The following FHOD3 variants were observed in gnomAD, a reference collection of about 807,000 sequenced individuals.
FHOD3 encodes the protein formin homology 2 domain containing 3.
Under a neutral mutation model 173.0 loss-of-function variants are expected in FHOD3, and 90 were observed. The observed-to-expected ratio is 0.52, with a 90% CI of 0.44 to 0.62. The LOEUF is 0.62. FHOD3 is among the 20% of genes least tolerant of loss of function. FHOD3 has a pLI of 0.00. For missense variants in FHOD3, 1,945 were observed against 2,034.7 expected (o/e 0.96, Z 0.85); for synonymous variants, 828 against 823.0 (o/e 1.01, Z -0.10).
At chr18:36,597,898 T>C (rs1043345307) in intron 7 of FHOD3, among the ~76,000 whole-genome samples, 2 of 152,142 alleles carry the variant, frequency 1.3e-5, no homozygotes, top group East Asian at 1.9e-4. Context: ...TGGACATGTG[T>C]GGTCTTGGCT....
In FHOD3 at chr18:36,562,441, G is replaced by T. The variant is rs972125916; in HGVS notation, c.512-14010G>T. Among the ~76,000 whole-genome samples, 4 of 152,220 alleles carry T rather than the reference G, an allele frequency of 2.6e-5. No homozygotes were observed. The East Asian group carries it at 7.7e-4, about 29-fold the overall frequency. On this transcript the variant is annotated intron_variant, in intron 5 of 28. Transcript: ENST00000590592. ...GTTTAAAAACATTATTTACTATGTT[G>T]CATGATATGATTTAAAAATGTTTAA...
intron 3 of FHOD3, among the ~76,000 whole-genome samples, chr18:36,472,371 A>G (rs1260289775): frequency 6.6e-6 from 1 of 152,206 alleles, no homozygotes; most frequent in African/African-American, 2.4e-5. Context: ...AATATTTAAC[A>G]TGTGAAGGAG....
At position 36,605,226 on chromosome 18, in the gene FHOD3, G is replaced by A. The variant is rs140155424; in HGVS notation, c.813+2458G>A. On this transcript the variant is annotated intron_variant, in intron 8 of 28. Transcript: ENST00000590592. ...CACTGCCATTGTTTTGGAAAACACC[G>A]AATTCAGCAAAAATGGAATTTTCAC... Among the ~76,000 whole-genome samples the A allele has an allele frequency of 1.4e-3, 209 of 152,212 alleles. 2 individuals are homozygous for A. The highest frequency in any genetic ancestry group is 4.7e-3 in the African/African-American group (197 of 41,510).
intron 5 of FHOD3, among the ~76,000 whole-genome samples, chr18:36,535,749 T>C (rs1189364059): frequency 6.6e-6 from 1 of 152,222 alleles, no homozygotes. Context: ...TTAATACTAC[T>C]AAATATTTGT....
intron 19 of FHOD3, among the ~76,000 whole-genome samples, chr18:36,719,419 AC>A (rs975405930): frequency 5.4e-5 from 7 of 130,376 alleles, no homozygotes; most frequent in South Asian, 2.7e-4. Flanking sequence ...GTTAATTTAC[AC>A]TGATAAACTG....
chr18:36,694,946 T>C (rs1042436449), intron 17 of FHOD3, among the ~76,000 whole-genome samples: 1 of 151,786 alleles, frequency 6.6e-6, no homozygotes. Context: ...TCAGTAAGAA[T>C]ACAGAAAATA....
intron 3 of FHOD3, among the ~76,000 whole-genome samples, chr18:36,467,694 G>A (rs1023271378): frequency 3.2e-4 from 49 of 152,324 alleles, no homozygotes; most frequent in East Asian, 9.7e-4. Flanking sequence ...CCCTAGGACC[G>A]TTGAAGAGCA....
At chr18:36,666,797 C>T (rs552380283) in intron 14 of FHOD3, among the ~76,000 whole-genome samples, 30 of 152,102 alleles carry the variant, frequency 2.0e-4, no homozygotes, top group East Asian at 7.7e-4. Flanking sequence ...AAAATTGACA[C>T]GCAAGAAACA....
chr18:36,729,730 C>A (rs2041257946), intron 19 of FHOD3, among the ~76,000 whole-genome samples: 1 of 152,230 alleles, frequency 6.6e-6, no homozygotes. Context: ...AAGGCCCTAC[C>A]TCCAAATATC....
At chr18:36,749,207 G>T (rs923670495) in intron 24 of FHOD3, among the ~76,000 whole-genome samples, 33 of 152,138 alleles carry the variant, frequency 2.2e-4, no homozygotes, top group Non-Finnish European at 4.0e-4. Context: ...TAGGTTCAGG[G>T]ATACATGTGA....
intron 17 of FHOD3, among the ~76,000 whole-genome samples, chr18:36,707,966 C>A (rs1360127067): frequency 1.3e-5 from 2 of 152,118 alleles, no homozygotes; most frequent in African/African-American, 4.8e-5. Flanking sequence ...GAGTGAGCCA[C>A]CCTCCTCCAG....
chr18:36,442,493 T>C (rs968712709), intron 3 of FHOD3, among the ~76,000 whole-genome samples: 14 of 152,236 alleles, frequency 9.2e-5, no homozygotes, highest in Non-Finnish European at 8.8e-5. Context: ...TTTCCTATTA[T>C]CTATGTTTCA....
At chr18:36,298,271 A>G (rs2091856926) in intron 1 of FHOD3, among the ~76,000 whole-genome samples, 1 of 147,748 alleles carries the variant, frequency 6.8e-6, no homozygotes, top group African/African-American at 2.5e-5. Flanking sequence ...CCGAGGCGGG[A>G]TGGAGAAGGC....
At chr18:36,677,287 G>A (rs990857129) in intron 14 of FHOD3, among the ~76,000 whole-genome samples, 2 of 152,040 alleles carry the variant, frequency 1.3e-5, no homozygotes, top group Non-Finnish European at 2.9e-5. Flanking sequence ...GCCAGTAGCT[G>A]GGATTACAGG....
intron 1 of FHOD3, among the ~76,000 whole-genome samples, chr18:36,316,637 G>T (rs2044138933): frequency 1.3e-5 from 2 of 152,200 alleles, no homozygotes; most frequent in African/African-American, 4.8e-5. Flanking sequence ...GTAACTTGAG[G>T]ATGGACCCGA....
chr18:36,627,642 A>G (rs2034208599), intron 10 of FHOD3, among the ~76,000 whole-genome samples: 1 of 134,768 alleles, frequency 7.4e-6, no homozygotes, highest in Non-Finnish European at 1.8e-5. Flanking sequence ...AAGATAGGTG[A>G]TGTTTTATCT....
At chr18:36,440,981 C>G (rs1306987673) in intron 3 of FHOD3, among the ~76,000 whole-genome samples, 2 of 152,142 alleles carry the variant, frequency 1.3e-5, no homozygotes, top group Admixed American at 6.5e-5. Flanking sequence ...GGCAGGGCAC[C>G]CAGTTACATG....
rs61735987 is a variant in FHOD3 at position 36,576,534 on chromosome 18, A to G, written c.595A>G (p.Ile199Val). The change falls in exon 6 of 29, where the codon ATT becomes GTT. Residue 199 changes from isoleucine to valine, a missense_variant. Coordinates refer to ENST00000590592, the MANE Select transcript of FHOD3 (RefSeq NM_001281740.3). ...NETIQWLYTLIGSKFRLVVKT... is the reference protein window; with the variant it reads ...NETIQWLYTLVGSKFRLVVKT... Reference sequence around the variant, plus strand: ...AACCATTCAGTGGCTGTACACTCTCATTGGGTCAAAGGTAAGGGGAAGTTA... The same window carrying G: ...AACCATTCAGTGGCTGTACACTCTCGTTGGGTCAAAGGTAAGGGGAAGTTA... The G allele has an allele frequency of 0.018, 28,426 of 1,612,758 alleles. 1,304 individuals carry two copies. The highest frequency in any genetic ancestry group is 0.14 in the East Asian group (6,400 of 44,776).
intron 6 of FHOD3, among the ~76,000 whole-genome samples, chr18:36,588,577 G>A (rs2059115268): frequency 6.6e-6 from 1 of 151,836 alleles, no homozygotes; most frequent in Non-Finnish European, 1.5e-5. Flanking sequence ...TTTCTTTTTT[G>A]GCTGTTGAAT....
Sources: allele counts gnomAD v4.1 joint callset (sites outside exome capture counted in the v4.1 genomes callset), GRCh38; gene constraint gnomAD v4.1.1; transcripts MANE v1.5; gene names NCBI Gene and HGNC (gene_info 2026-07-23, HGNC 2026-07-21).